Variants in CARMIL1 observed in about 807,000 individuals in gnomAD.
CARMIL1 encodes capping protein regulator and myosin 1 linker 1.
CARMIL1 carries 90 observed loss-of-function variants against 177.1 expected under a neutral mutation model. The ratio of observed to expected loss-of-function variants is 0.51; its 90% confidence interval spans 0.43 to 0.61. CARMIL1 has a LOEUF of 0.61. Ranked by LOEUF, CARMIL1 falls within the 20% of genes least tolerant of loss-of-function variation. CARMIL1 has a pLI of 0.00. For missense variants in CARMIL1, 1,380 were observed against 1,667.0 expected (o/e 0.83, Z 3.00); for synonymous variants, 577 against 606.2 (o/e 0.95, Z 0.71).
At chr6:25,425,937 G>A (rs1282641835) in intron 3 of CARMIL1, among the ~76,000 whole-genome samples, 1 of 152,070 alleles carries the variant, frequency 6.6e-6, no homozygotes, top group African/African-American at 2.4e-5. Flanking sequence ...GTAGAAGGAC[G>A]GCTGACTCTG....
rs1795721889 is a variant in CARMIL1 at position 25,420,169 on chromosome 6, G to A, written c.189+5G>A. 6.2e-7 allele frequency: 1 copy of A among 1,613,292 alleles called. No homozygotes were observed. Among genetic ancestry groups the A allele is most frequent in the African/African-American group, 1.3e-5 (1 of 74,896 alleles). ...ACAGCGCGAATCCCCACCAAGGTAA[G>A]TGTTGATGAAGTCCTTCCTTCTGCA... On this transcript the variant is annotated splice_donor_5th_base_variant and intron_variant, in intron 3 of 36. Transcript: ENST00000329474.
At chr6:25,553,549 G>A (rs1311905691) in intron 27 of CARMIL1, among the ~76,000 whole-genome samples, 2 of 152,166 alleles carry the variant, frequency 1.3e-5, no homozygotes, top group African/African-American at 2.4e-5. Context: ...CGCAGTTATG[G>A]TATCATTTGA....
chr6:25,540,174 T>A (rs1448721109), intron 26 of CARMIL1, 96 bp downstream of exon 26: 2 of 1,143,338 alleles, frequency 1.7e-6, no homozygotes, highest in Non-Finnish European at 1.2e-6. Flanking sequence ...TATAGACTTG[T>A]ATGTGTGCAT....
At chr6:25,441,345 G>GTGTGTGTGTGTGTGTGTA (rs1797755890) in intron 5 of CARMIL1, among the ~76,000 whole-genome samples, 2 of 110,044 alleles carry the variant, frequency 1.8e-5, no homozygotes, top group Admixed American at 8.8e-5. Context: ...ATATGTGTGT[G>GTGTGTGTGTGTGTGTGTA]TGTGTGTGTG....
Position 25,604,266 on chromosome 6 carries a change from T to TG in CARMIL1, c.3553-540dup, listed in dbSNP as rs577560769. Among the ~76,000 whole-genome samples the TG allele has an allele frequency of 2.8e-4, 42 of 152,094 alleles. No individual in the cohort carries two copies. The East Asian group carries it at 5.6e-3, about 20-fold the overall frequency. On this transcript the variant is annotated intron_variant, in intron 33 of 36. Transcript: ENST00000329474. Reference sequence around the variant, plus strand: ...CTAATTTTTCTATTTTTTGCAGAGATGGGGGGTCTCACTATGTTGCCTAGG... The same window carrying TG: ...CTAATTTTTCTATTTTTTGCAGAGATGGGGGGGTCTCACTATGTTGCCTAGG...
At chr6:25,373,260 G>A (rs1790606071) in intron 2 of CARMIL1, among the ~76,000 whole-genome samples, 1 of 151,802 alleles carries the variant, frequency 6.6e-6, no homozygotes, top group African/African-American at 2.4e-5. Context: ...GTATCAGGGT[G>A]ATATTGGTGT....
At chr6:25,446,136 T>C (rs1798210700) in intron 5 of CARMIL1, among the ~76,000 whole-genome samples, 1 of 152,220 alleles carries the variant, frequency 6.6e-6, no homozygotes, top group Non-Finnish European at 1.5e-5. Flanking sequence ...GTTTTTGGAA[T>C]GGAACATCAG....
At chr6:25,435,378 G>T in intron 4 of CARMIL1, 105 bp from the exon 5 acceptor site, 3 of 1,296,758 alleles carry the variant, frequency 2.3e-6, no homozygotes, top group Non-Finnish European at 3.1e-6. Context: ...AGCTAATATT[G>T]TATTAGTATA....
chr6:25,318,149 G>T (rs1394416388), intron 2 of CARMIL1, among the ~76,000 whole-genome samples: 1 of 152,068 alleles, frequency 6.6e-6, no homozygotes, highest in Non-Finnish European at 1.5e-5. Flanking sequence ...AGGAAGTTTT[G>T]GGCAAGAGTG....
intron 11 of CARMIL1, among the ~76,000 whole-genome samples, chr6:25,478,745 G>A (rs549315113): frequency 4.0e-5 from 6 of 151,840 alleles, no homozygotes; most frequent in South Asian, 2.1e-4. Context: ...GCAGTGAGCC[G>A]AGATCGCGCC....
At chr6:25,459,273 T>TCTTTCTTTCTTTCTC (rs1390647134) in intron 8 of CARMIL1, among the ~76,000 whole-genome samples, 1 of 132,758 alleles carries the variant, frequency 7.5e-6, no homozygotes, top group Non-Finnish European at 1.6e-5. Context: ...TTTCTTTTTT[T>TCTTTCTTTCTTTCTC]TTTTTTTAAG....
intron 8 of CARMIL1, among the ~76,000 whole-genome samples, chr6:25,463,801 A>G (rs1800329769): frequency 1.3e-5 from 2 of 148,202 alleles, no homozygotes; most frequent in Non-Finnish European, 3.0e-5. Context: ...TAAAATAACT[A>G]TTGAAAGAGT....
At chr6:25,298,091 T>C (rs1335921953) in intron 2 of CARMIL1, among the ~76,000 whole-genome samples, 1 of 152,194 alleles carries the variant, frequency 6.6e-6, no homozygotes, top group Non-Finnish European at 1.5e-5. Flanking sequence ...AAAAACTACA[T>C]TGTAGCTTTG....
At chr6:25,474,564 A>G (rs1801368191) in intron 11 of CARMIL1, among the ~76,000 whole-genome samples, 3 of 152,244 alleles carry the variant, frequency 2.0e-5, no homozygotes, top group Admixed American at 2.0e-4. Context: ...CATCTAAAGT[A>G]GTGAATCTAC....
In CARMIL1 at chr6:25,510,851, TCA is replaced by T. The variant is rs1049601506; in HGVS notation, c.1632+90_1632+91del. The T allele has an allele frequency of 2.1e-5, 16 of 749,336 alleles. No homozygotes were observed. In the African/African-American group the frequency reaches 2.1e-4, roughly 10 times the overall value. The allele number at this position is 749,336 out of a possible 1,614,324, so 46.4% of individuals were successfully genotyped here. A position where few individuals can be genotyped will look rare whatever the true frequency, so the allele number is the denominator to read the frequency against. ...CTACTGGATTAATGCTGAAATACTT[TCA>T]GATAGTTTTATCAACGTGTACATTT... On this transcript the variant is annotated intron_variant, in intron 20 of 36. Transcript: ENST00000329474.
intron 2 of CARMIL1, among the ~76,000 whole-genome samples, chr6:25,367,779 G>A (rs969834580): frequency 1.4e-4 from 21 of 152,068 alleles, no homozygotes; most frequent in African/African-American, 5.1e-4. Flanking sequence ...CCCAAACCCC[G>A]ACGGAGCCTC....
At chr6:25,568,538 CT>C (rs2151211538) in intron 29 of CARMIL1, among the ~76,000 whole-genome samples, 1 of 152,254 alleles carries the variant, frequency 6.6e-6, no homozygotes, top group African/African-American at 2.4e-5. Flanking sequence ...AGAAGACCTT[CT>C]AGCCAGAGCC....
chr6:25,604,943 G>T lies in CARMIL1; in HGVS notation c.3634+50G>T, dbSNP rs78664151. On this transcript the variant is annotated intron_variant, in intron 34 of 36. Transcript: ENST00000329474. ...CCCTTAGGAAAAGCGCTTACCTTCT[G>T]ATTGCAGAGTCACATGATTGACAGA... 8,030 of 1,422,454 alleles carry T rather than the reference G, an allele frequency of 5.6e-3. 210 individuals are homozygous for T. The African/African-American group carries it at 0.072, about 13-fold the overall frequency. 88.1% of individuals were successfully genotyped at this position (1,422,454 alleles called of 1,614,324 possible). A position where few individuals can be genotyped will look rare whatever the true frequency, so the allele number is the denominator to read the frequency against.
intron 2 of CARMIL1, among the ~76,000 whole-genome samples, chr6:25,409,316 A>G (rs567755541): frequency 6.6e-6 from 1 of 152,278 alleles, no homozygotes; most frequent in East Asian, 1.9e-4. Context: ...GTCCCTGTGG[A>G]TCATTTTCAG....
Sources: gnomAD v4.1 joint callset for allele counts (sites outside exome capture counted in the v4.1 genomes callset) on GRCh38, gnomAD v4.1.1 for gene constraint, MANE v1.5 for transcripts, NCBI Gene and HGNC (gene_info 2026-07-23, HGNC 2026-07-21) for gene names.